GARNL3: variants seen among roughly 807,000 people sequenced by gnomAD.
GARNL3 encodes GTPase-activating Rap/Ran-GAP domain-like protein 3.
Under a neutral mutation model 125.0 loss-of-function variants are expected in GARNL3, and 63 were observed. The ratio of observed to expected loss-of-function variants is 0.50; its 90% CI spans 0.41 to 0.62. The LOEUF is 0.62. GARNL3 is among the 20% of genes least tolerant of loss of function. The pLI, the probability that GARNL3 is intolerant of heterozygous loss-of-function variation, is 0.00. For synonymous variants in GARNL3, 439 were observed against 457.5 expected, an observed-to-expected ratio of 0.96 and a Z score of 0.52; for missense variants, 994 against 1,244.0, an observed-to-expected ratio of 0.80 and a Z score of 3.02.
At chr9:127,391,662 C>T (rs1481025561) in intron 27 of GARNL3, among the ~76,000 whole-genome samples, 1 of 143,840 alleles carries the variant, frequency 7.0e-6, no homozygotes, top group Non-Finnish European at 1.5e-5. Flanking sequence ...GATCACACCA[C>T]TGCACTCCAG....
chr9:127,360,244 A>G (rs1830916791), intron 21 of GARNL3, among the ~76,000 whole-genome samples: 1 of 152,114 alleles, frequency 6.6e-6, no homozygotes, highest in African/African-American at 2.4e-5. Flanking sequence ...GATGGTCTCA[A>G]TCTCCTGACC....
At chr9:127,299,770 A>G (rs2064726012) in intron 2 of GARNL3, among the ~76,000 whole-genome samples, 1 of 152,130 alleles carries the variant, frequency 6.6e-6, no homozygotes, top group Admixed American at 6.5e-5. Flanking sequence ...CGGTTTCACC[A>G]TAGCCAGAAT....
At chr9:127,272,510 G>A (rs1245474766) in intron 1 of GARNL3, among the ~76,000 whole-genome samples, 1 of 140,712 alleles carries the variant, frequency 7.1e-6, no homozygotes, top group Non-Finnish European at 1.5e-5. Context: ...TTGAGGAGGA[G>A]GAGTCTCACT....
At chr9:127,314,968 A>T (rs1327261855) in intron 4 of GARNL3, among the ~76,000 whole-genome samples, 1 of 152,182 alleles carries the variant, frequency 6.6e-6, no homozygotes, top group Non-Finnish European at 1.5e-5. Context: ...GGAGCAACAA[A>T]TGTGAGACAA....
intron 25 of GARNL3, among the ~76,000 whole-genome samples, chr9:127,388,180 G>C (rs1210056890): frequency 6.6e-6 from 1 of 152,096 alleles, no homozygotes; most frequent in Non-Finnish European, 1.5e-5. Flanking sequence ...GCTGGCTGTG[G>C]TGGCATGCAC....
At chr9:127,275,184 A>G (rs1394819664) in intron 1 of GARNL3, among the ~76,000 whole-genome samples, 2 of 152,136 alleles carry the variant, frequency 1.3e-5, no homozygotes, top group African/African-American at 4.8e-5. Context: ...TTTCTTCTGA[A>G]CTCATGCAGG....
At chr9:127,344,169 A>G in intron 14 of GARNL3, 66 bp from the exon 15 acceptor site, 2 of 1,114,604 alleles carry the variant, frequency 1.8e-6, no homozygotes, top group Non-Finnish European at 2.7e-6. Flanking sequence ...TTTGTGCACT[A>G]TGAGAAGCCA....
chr9:127,328,010 G>T (rs1351015237), intron 7 of GARNL3, among the ~76,000 whole-genome samples: 1 of 152,086 alleles, frequency 6.6e-6, no homozygotes, highest in African/African-American at 2.4e-5. Flanking sequence ...GCATGCACAT[G>T]CCTGTTGTAA....
intron 2 of GARNL3, among the ~76,000 whole-genome samples, chr9:127,294,550 C>T (rs1564889454): frequency 6.6e-6 from 1 of 152,180 alleles, no homozygotes; most frequent in Non-Finnish European, 1.5e-5. Flanking sequence ...GATCTGCCAG[C>T]CTTGGCCTCC....
At chr9:127,325,854 G>T (rs1316008295) in intron 7 of GARNL3, among the ~76,000 whole-genome samples, 1 of 152,062 alleles carries the variant, frequency 6.6e-6, no homozygotes, top group Non-Finnish European at 1.5e-5. Context: ...CTCTCTTCTG[G>T]TTTCCAGATA....
chr9:127,300,480 TG>T, intron 2 of GARNL3: 1 of 401,980 alleles, frequency 2.5e-6, no homozygotes. Context: ...TTCTTTTTTT[TG>T]TTGTTTTTTG....
chr9:127,384,517 C>G lies in GARNL3; in HGVS notation c.2270-510C>G, dbSNP rs142913742. Among the ~76,000 whole-genome samples, 368 of 152,324 alleles carry G rather than the reference C, an allele frequency of 2.4e-3. 1 individual carries two copies. Among genetic ancestry groups the G allele is most frequent in the African/African-American group, 8.3e-3 (345 of 41,580 alleles). On this transcript the variant is annotated intron_variant, in intron 23 of 27. Coordinates refer to ENST00000373387, the MANE Select transcript of GARNL3 (RefSeq NM_032293.5). This position sits in a 1 kb window ranked among gnomAD's most constrained non-coding sequence, Gnocchi z 4.0. ...GCAAACCCCTTGATGCCGAGGGACA[C>G]TGCGAGGGCCAGTGAGGAATAAGAT...
chr9:127,248,810 A>C (rs183932151), intron 2 of GARNL3, among the ~76,000 whole-genome samples: 1 of 151,618 alleles, frequency 6.6e-6, no homozygotes, highest in African/African-American at 2.4e-5. Flanking sequence ...TGGTTTCGCC[A>C]TGTTGCCCGG....
At chr9:127,319,414 G>A (rs1280521081) in intron 5 of GARNL3, among the ~76,000 whole-genome samples, 5 of 152,040 alleles carry the variant, frequency 3.3e-5, no homozygotes, top group Admixed American at 6.6e-5. Flanking sequence ...CCTGGGAGGT[G>A]GAGGGTGCAG....
At chr9:127,251,512 T>C (rs17377671) in intron 2 of GARNL3, among the ~76,000 whole-genome samples, 10,129 of 152,292 alleles carry the variant, frequency 0.067, 432 homozygotes, top group Middle Eastern at 0.16. Flanking sequence ...CAGAGTAAGC[T>C]GCTTTTCTTC....
In GARNL3 at chr9:127,342,369, T is replaced by A. The variant is rs373680194; in HGVS notation, c.1251+35T>A. ...GGTCCATGGTCTTCTTTCCTTCTTA[T>A]GGGGTCTGAGTTGAGAACACAAGTC... is the stretch of plus-strand genomic sequence containing the variant. On this transcript the variant is annotated intron_variant, in intron 14 of 27. Coordinates refer to ENST00000373387, the MANE Select transcript of GARNL3 (RefSeq NM_032293.5). The A allele has an allele frequency of 2.2e-6, 3 of 1,383,758 alleles. No homozygotes were observed. The Middle Eastern group carries it at 5.4e-4, about 247-fold the overall frequency. The allele number at this position is 1,383,758 out of a possible 1,614,324, so 85.7% of individuals were successfully genotyped here.
intron 14 of GARNL3, among the ~76,000 whole-genome samples, chr9:127,343,650 A>T (rs1254116677): frequency 6.6e-6 from 1 of 152,256 alleles, no homozygotes; most frequent in African/African-American, 2.4e-5. Flanking sequence ...TTGAATGAGC[A>T]TACCCCATTC....
chr9:127,228,637 T>C (rs2062953157), intron 1 of GARNL3, among the ~76,000 whole-genome samples: 1 of 152,258 alleles, frequency 6.6e-6, no homozygotes, highest in African/African-American at 2.4e-5. Flanking sequence ...GCTTTCCTTA[T>C]TGAATTGAAG....
At chr9:127,225,525 C>A in intron 1 of GARNL3, 1 of 314,368 alleles carries the variant, frequency 3.2e-6, no homozygotes, top group Non-Finnish European at 4.6e-6. Context: ...TCTCAGGAGA[C>A]CGGGCGCGGA....
Sources: gnomAD v4.1 joint callset for allele counts (sites outside exome capture counted in the v4.1 genomes callset) on GRCh38, gnomAD v4.1.1 for gene constraint, Gnocchi (gnomAD v3.1) non-coding constraint, MANE v1.5 for transcripts, NCBI Gene and HGNC (gene_info 2026-07-23, HGNC 2026-07-21) for gene names.